The following EXOC4 variants were observed in gnomAD, a reference collection of about 807,000 sequenced individuals.
The protein encoded by EXOC4 is exocyst complex component 4, also known as SEC8-like 1.
A neutral mutation model predicts 107.2 loss-of-function variants in EXOC4; 71 were observed. The ratio of observed to expected loss-of-function variants is 0.66; its 90% CI spans 0.55 to 0.81. EXOC4 has a LOEUF of 0.81. Ranked by LOEUF, EXOC4 falls within the 30% of genes least tolerant of loss-of-function variation. EXOC4 has a pLI of 0.00. For missense variants in EXOC4, 1,108 were observed against 1,189.6 expected (o/e 0.93, Z 1.01); for synonymous variants, 456 against 441.2 (o/e 1.03, Z -0.42).
intron 7 of EXOC4, among the ~76,000 whole-genome samples, chr7:133,415,792 G>A (rs1409066738): frequency 1.3e-5 from 2 of 152,152 alleles, no homozygotes; most frequent in African/African-American, 4.8e-5. Context: ...GATATGTATA[G>A]TTGTAGTCAA....
chr7:133,462,057 TGTATAA>T lies in EXOC4; in HGVS notation c.1183-13264_1183-13259del, dbSNP rs1343264180. Among the ~76,000 whole-genome samples, 8 of 152,356 alleles carry T rather than the reference TGTATAA, an allele frequency of 5.3e-5. 1 individual carries two copies. Among genetic ancestry groups the T allele is most frequent in the South Asian group, 2.1e-4 (1 of 4,826 alleles). ...CATGTTTATTCTCAGTATATAGACATGTATAAGTATAAATATTAATATGAACAAATA... is the reference window on the plus strand; with the variant it reads ...CATGTTTATTCTCAGTATATAGACATGTATAAATATTAATATGAACAAATA... On this transcript the variant is annotated intron_variant, in intron 7 of 17. Transcript: ENST00000253861.
At chr7:133,940,879 G>A (rs1364983752) in intron 14 of EXOC4, among the ~76,000 whole-genome samples, 2 of 151,990 alleles carry the variant, frequency 1.3e-5, no homozygotes, top group Non-Finnish European at 1.5e-5. Flanking sequence ...AGGATGGGAA[G>A]AACTCAAGAA....
intron 14 of EXOC4, among the ~76,000 whole-genome samples, chr7:133,964,971 C>G (rs1212297609): frequency 1.3e-5 from 2 of 152,176 alleles, no homozygotes; most frequent in African/African-American, 4.8e-5. Context: ...TCCTATTTCT[C>G]CACATCCCCT....
intron 9 of EXOC4, among the ~76,000 whole-genome samples, chr7:133,510,330 T>C (rs1799745431): frequency 6.6e-6 from 1 of 152,224 alleles, no homozygotes; most frequent in African/African-American, 2.4e-5. Flanking sequence ...CAGTATTTTA[T>C]TGAATGAGTA....
At chr7:133,383,276 T>A (rs1796658446) in intron 7 of EXOC4, among the ~76,000 whole-genome samples, 1 of 152,186 alleles carries the variant, frequency 6.6e-6, no homozygotes, top group South Asian at 2.1e-4. Context: ...AATCTAAATT[T>A]TTTTCACATC....
At chr7:133,766,210 G>C (rs536123261) in intron 10 of EXOC4, among the ~76,000 whole-genome samples, 6 of 151,942 alleles carry the variant, frequency 3.9e-5, no homozygotes, top group African/African-American at 1.2e-4. Flanking sequence ...TAATTACTAT[G>C]TAAGAACTAT....
chr7:133,775,436 T>G (rs1183976131), intron 10 of EXOC4, among the ~76,000 whole-genome samples: 1 of 152,196 alleles, frequency 6.6e-6, no homozygotes, highest in African/African-American at 2.4e-5. Context: ...CACGTGACCT[T>G]CTTAATCTGG....
chr7:133,747,814 G>T (rs1228179466), intron 10 of EXOC4, among the ~76,000 whole-genome samples: 1 of 152,090 alleles, frequency 6.6e-6, no homozygotes. Context: ...CAACATAACT[G>T]CTCCTATTCT....
intron 9 of EXOC4, among the ~76,000 whole-genome samples, chr7:133,482,453 A>G (rs1332319809): frequency 6.6e-6 from 1 of 152,152 alleles, no homozygotes; most frequent in Non-Finnish European, 1.5e-5. Flanking sequence ...CAGATTCTTT[A>G]TGCTTGTATG....
At chr7:133,532,996 A>G (rs1473717954) in intron 9 of EXOC4, among the ~76,000 whole-genome samples, 2 of 151,998 alleles carry the variant, frequency 1.3e-5, no homozygotes, top group Non-Finnish European at 2.9e-5. Flanking sequence ...CAGCCCTGCC[A>G]TTGATTGCCA....
intron 9 of EXOC4, among the ~76,000 whole-genome samples, chr7:133,504,408 A>G (rs2150891280): frequency 6.6e-6 from 1 of 152,252 alleles, no homozygotes; most frequent in Non-Finnish European, 1.5e-5. Context: ...TTAAAAGTAC[A>G]GTTTGATATA....
chr7:134,038,949 G>T (rs990936859), intron 17 of EXOC4, among the ~76,000 whole-genome samples: 1 of 152,212 alleles, frequency 6.6e-6, no homozygotes, highest in Non-Finnish European at 1.5e-5. Flanking sequence ...AGATACCCAT[G>T]TGTGTCTACA....
At chr7:133,805,795 G>A (rs141531880) in intron 10 of EXOC4, among the ~76,000 whole-genome samples, 316 of 152,294 alleles carry the variant, frequency 2.1e-3, no homozygotes, top group Non-Finnish European at 3.3e-3. Context: ...GCTTTAATGA[G>A]ATTAACCAAA....
At chr7:133,333,115 A>G (rs1445354556) in intron 5 of EXOC4, among the ~76,000 whole-genome samples, 1 of 152,210 alleles carries the variant, frequency 6.6e-6, no homozygotes, top group Admixed American at 6.5e-5. Flanking sequence ...TTCATTTACT[A>G]ATAGAATTCT....
At chr7:133,640,526 T>G (rs1214477151) in intron 10 of EXOC4, among the ~76,000 whole-genome samples, 1 of 152,218 alleles carries the variant, frequency 6.6e-6, no homozygotes, top group East Asian at 1.9e-4. Context: ...CCAAGAAATC[T>G]TTTGATTTCT....
At chr7:134,026,260 G>C (rs4731993) in intron 17 of EXOC4, among the ~76,000 whole-genome samples, 26,675 of 150,900 alleles carry the variant, frequency 0.18, 2,980 homozygotes, top group East Asian at 0.42. Context: ...GTCTCCCCAC[G>C]ATGGCAAAGT....
intron 3 of EXOC4, among the ~76,000 whole-genome samples, chr7:133,295,964 AAAC>A (rs1250007217): frequency 6.6e-6 from 1 of 152,156 alleles, no homozygotes; most frequent in East Asian, 1.9e-4. Context: ...AGTGACTGTA[AAAC>A]AATGTTCCAG....
At chr7:133,665,060 C>T (rs1206883129) in intron 10 of EXOC4, among the ~76,000 whole-genome samples, 1 of 152,112 alleles carries the variant, frequency 6.6e-6, no homozygotes, top group Non-Finnish European at 1.5e-5. Context: ...TGGTATAGTT[C>T]ATTCATTCCT....
chr7:133,612,895 A>G (rs1802103031), intron 9 of EXOC4, among the ~76,000 whole-genome samples: 2 of 152,214 alleles, frequency 1.3e-5, no homozygotes, highest in South Asian at 4.1e-4. Context: ...AGGACCTTGT[A>G]CTGTACCTGT....
Sources: allele counts gnomAD v4.1 joint callset (sites outside exome capture counted in the v4.1 genomes callset), GRCh38; gene constraint gnomAD v4.1.1; transcripts MANE v1.5; gene names NCBI Gene and HGNC (gene_info 2026-07-23, HGNC 2026-07-21).